The following DSCAM variants were observed in gnomAD, a reference collection of about 807,000 sequenced individuals.
The protein encoded by DSCAM is cell adhesion molecule DSCAM.
In DSCAM, 47 loss-of-function variants were observed where a neutral mutation model predicts 217.7. The observed-to-expected ratio is 0.22, with a 90% CI of 0.17 to 0.28. The LOEUF (loss-of-function observed/expected upper bound fraction) is 0.28, where lower values mean the gene tolerates loss of function less well. DSCAM is among the 10% of genes least tolerant of loss of function. The pLI, the probability that DSCAM is intolerant of heterozygous loss-of-function variation, is 1.00. For synonymous variants in DSCAM, 1,056 were observed against 1,015.3 expected, an observed-to-expected ratio of 1.04 and a Z score of -0.76; for missense variants, 2,080 against 2,618.3, an observed-to-expected ratio of 0.79 and a Z score of 4.49.
At chr21:40,593,383 T>C (rs2146247161) in intron 3 of DSCAM, among the ~76,000 whole-genome samples, 1 of 151,936 alleles carries the variant, frequency 6.6e-6, no homozygotes. Context: ...TGGCAGGCAG[T>C]GGCATGATCT....
intron 24 of DSCAM, among the ~76,000 whole-genome samples, chr21:40,083,232 C>G (rs2089487919): frequency 6.6e-6 from 1 of 152,202 alleles, no homozygotes; most frequent in Non-Finnish European, 1.5e-5. Context: ...AGTTCGAGAC[C>G]AGCCTGGCCA....
chr21:40,447,657 C>A (rs915185564), intron 3 of DSCAM, among the ~76,000 whole-genome samples: 4 of 152,182 alleles, frequency 2.6e-5, no homozygotes, highest in Non-Finnish European at 4.4e-5. Context: ...CAACATAACT[C>A]CTTACTGTGG....
intron 3 of DSCAM, among the ~76,000 whole-genome samples, chr21:40,441,993 C>A (rs1373363875): frequency 2.0e-5 from 3 of 152,092 alleles, no homozygotes; most frequent in African/African-American, 7.2e-5. Flanking sequence ...GTTTACTTAA[C>A]TAATGTTTAT....
At position 40,142,652 on chromosome 21, in the gene DSCAM, G is replaced by C; in HGVS notation, c.3312C>G (p.Ser1104Arg). 6.2e-7 allele frequency: 1 copy of C among 1,614,176 alleles called. No individual in the cohort carries two copies. The highest frequency in any genetic ancestry group is 8.5e-7 in the Non-Finnish European group (1 of 1,180,014). The change falls in exon 18 of 33, where the codon AGC (serine) becomes AGG (arginine). Residue 1104 changes from serine to arginine, a missense_variant. By Grantham distance (110) the Ser-to-Arg change is moderately radical. Transcript: ENST00000400454. ...NVQAIATSPE[S>R]ISISWSTLSK... Reference sequence around the variant, plus strand: ...AAAGTGTGGACCAGGATATTGATATGCTTTCTGGTGATGTTGCTATGGCTT... The same window carrying C: ...AAAGTGTGGACCAGGATATTGATATCCTTTCTGGTGATGTTGCTATGGCTT...
At chr21:40,156,364 G>A (rs1437676159) in intron 16 of DSCAM, among the ~76,000 whole-genome samples, 2 of 150,434 alleles carry the variant, frequency 1.3e-5, no homozygotes, top group East Asian at 2.0e-4. Context: ...AGGAGTAAGC[G>A]GCATCAGTCA....
chr21:40,804,338 T>A (rs1330916840), intron 1 of DSCAM, among the ~76,000 whole-genome samples: 4 of 152,198 alleles, frequency 2.6e-5, no homozygotes, highest in South Asian at 2.1e-4. Flanking sequence ...GCAGGATGCT[T>A]TGGTTGCCTT....
At chr21:40,024,253 T>A (rs1196342203) in intron 32 of DSCAM, among the ~76,000 whole-genome samples, 2 of 93,300 alleles carry the variant, frequency 2.1e-5, no homozygotes, top group Non-Finnish European at 4.7e-5. Flanking sequence ...ACCAGTACCA[T>A]GCTGTTTTGG....
intron 32 of DSCAM, among the ~76,000 whole-genome samples, 154 bp from the exon 33 acceptor site, chr21:40,013,540 C>A (rs1436075894): frequency 6.6e-6 from 1 of 152,192 alleles, no homozygotes; most frequent in East Asian, 1.9e-4. Context: ...GCGCTCACCA[C>A]AAAGACAGGT....
intron 26 of DSCAM, among the ~76,000 whole-genome samples, chr21:40,076,242 A>G (rs2089364333): frequency 6.6e-6 from 1 of 152,098 alleles, no homozygotes; most frequent in South Asian, 2.1e-4. Flanking sequence ...CAAGTCTCCA[A>G]ATGCTTAGAA....
intron 3 of DSCAM, among the ~76,000 whole-genome samples, chr21:40,413,412 C>T (rs554986442): frequency 1.5e-4 from 23 of 152,294 alleles, no homozygotes; most frequent in African/African-American, 5.5e-4. Context: ...ACCATGGGAA[C>T]CCACCTCTTG....
At chr21:40,615,706 T>C (rs932864185) in intron 3 of DSCAM, among the ~76,000 whole-genome samples, 1 of 152,168 alleles carries the variant, frequency 6.6e-6, no homozygotes, top group African/African-American at 2.4e-5. Context: ...TTAAGTGGCC[T>C]GGGATGTGTA....
chr21:40,517,649 T>C (rs530345942), intron 3 of DSCAM, among the ~76,000 whole-genome samples: 151 of 152,230 alleles, frequency 9.9e-4, no homozygotes, highest in African/African-American at 3.6e-3. Context: ...AACAAAACCA[T>C]GAAAACAGGA....
intron 1 of DSCAM, among the ~76,000 whole-genome samples, chr21:40,739,173 A>G (rs1041627882): frequency 7.2e-5 from 11 of 152,346 alleles, no homozygotes; most frequent in African/African-American, 2.6e-4. Flanking sequence ...ATAGGCAAAG[A>G]GGAAAGAACA....
chr21:40,667,182 A>G (rs572193812), intron 3 of DSCAM, among the ~76,000 whole-genome samples: 1 of 152,276 alleles, frequency 6.6e-6, no homozygotes, highest in East Asian at 1.9e-4. Context: ...TTAAAATTCA[A>G]TAAAAATAAT....
intron 3 of DSCAM, among the ~76,000 whole-genome samples, chr21:40,559,786 C>CTTT (rs548599799): frequency 2.7e-4 from 30 of 109,410 alleles, no homozygotes; most frequent in South Asian, 9.0e-4. Flanking sequence ...AATTTTCTGT[C>CTTT]TTTTTTTTTT....
At chr21:40,397,392 C>T (rs149843170) in intron 3 of DSCAM, among the ~76,000 whole-genome samples, 73 of 152,172 alleles carry the variant, frequency 4.8e-4, no homozygotes, top group African/African-American at 1.6e-3. Flanking sequence ...AACTCCCTCT[C>T]ACTCTCTCCC....
At chr21:40,595,625 C>G (rs1032985309) in intron 3 of DSCAM, among the ~76,000 whole-genome samples, 15 of 152,138 alleles carry the variant, frequency 9.9e-5, no homozygotes, top group Non-Finnish European at 2.2e-4. Context: ...GTCAGCTCTT[C>G]TGAACCTCCT....
Position 40,708,509 on chromosome 21 carries a change from G to A in DSCAM, c.306C>T (p.Cys102=). 6.5e-7 allele frequency: 1 copy of A among 1,532,932 alleles called. No homozygotes were observed. The highest frequency in any genetic ancestry group is 8.8e-7 in the Non-Finnish European group (1 of 1,135,458). The allele number at this position is 1,532,932 out of a possible 1,614,324, so 95.0% of individuals were successfully genotyped here. A position where few individuals can be genotyped will look rare whatever the true frequency, so the allele number is the denominator to read the frequency against. The change falls in exon 2 of 33, where the codon TGC becomes TGT. Residue 102 remains cysteine (C), a synonymous_variant. Transcript: ENST00000400454. ...STLIHDNTYY[C]TAENPSGKIR... ...TTTTCCCTGAAGGATTTTCAGCTGT[G>A]CAATAATAAGTATTATCATGGATTA... is the stretch of plus-strand genomic sequence containing the variant.
intron 11 of DSCAM, among the ~76,000 whole-genome samples, chr21:40,251,146 T>G (rs914451494): frequency 2.0e-5 from 3 of 152,058 alleles, no homozygotes; most frequent in Non-Finnish European, 2.9e-5. Context: ...GGGACCAGAG[T>G]CAAATGGGCC....
Sources: allele counts gnomAD v4.1 joint callset (sites outside exome capture counted in the v4.1 genomes callset), GRCh38; gene constraint gnomAD v4.1.1; transcripts MANE v1.5; gene names NCBI Gene and HGNC (gene_info 2026-07-23, HGNC 2026-07-21).